KLF12: variants seen among roughly 807,000 people sequenced by gnomAD.
The protein encoded by KLF12 is Krueppel-like factor 12.
In KLF12, 9 loss-of-function variants were observed where a neutral mutation model predicts 37.8. The ratio of observed to expected loss-of-function variants is 0.24; its 90% CI spans 0.14 to 0.42. The LOEUF (loss-of-function observed/expected upper bound fraction) is 0.42. Ranked by LOEUF, KLF12 falls within the 10% of genes least tolerant of loss-of-function variation. The pLI is 1.00. For missense variants in KLF12, 411 were observed against 516.0 expected (o/e 0.80, Z 1.97); for synonymous variants, 208 against 202.1 (o/e 1.03, Z -0.25).
At chr13:74,238,776 C>G in the KLF12 span, among the ~76,000 whole-genome samples, 236 of 152,146 alleles carry the variant, frequency 1.6e-3, 2 homozygotes, top group African/African-American at 5.6e-3. Context: ...TCTGTGGGAT[C>G]AGTGGTGATA....
At chr13:74,263,179 C>G in the KLF12 span, among the ~76,000 whole-genome samples, 1 of 152,148 alleles carries the variant, frequency 6.6e-6, no homozygotes, top group African/African-American at 2.4e-5. Context: ...CTTCTCATGT[C>G]TAACTCTTAT....
chr13:73,717,137 A>G (rs1427592791), intron 6 of KLF12, among the ~76,000 whole-genome samples: 1 of 152,216 alleles, frequency 6.6e-6, no homozygotes, highest in East Asian at 1.9e-4. Context: ...ATATATAAAC[A>G]AATGAATGTC....
intron 1 of KLF12, among the ~76,000 whole-genome samples, chr13:74,085,645 C>T (rs1875236078): frequency 6.6e-6 from 1 of 152,152 alleles, no homozygotes; most frequent in African/African-American, 2.4e-5. Flanking sequence ...AATACTGGTC[C>T]TGAACTGTGA....
the KLF12 span, among the ~76,000 whole-genome samples, chr13:74,193,096 A>G: frequency 1.3e-5 from 2 of 149,994 alleles, no homozygotes; most frequent in Non-Finnish European, 2.9e-5. Flanking sequence ...CTCCTGCCTC[A>G]GCCTCCCGAG....
chr13:74,101,995 G>A (rs150873540), intron 1 of KLF12, among the ~76,000 whole-genome samples: 5 of 151,900 alleles, frequency 3.3e-5, no homozygotes, highest in South Asian at 2.1e-4. Context: ...CGAGACGGGC[G>A]GATCACAAGG....
intron 5 of KLF12, chr13:73,801,954 G>A (rs1205292697): frequency 6.6e-6 from 1 of 151,922 alleles, no homozygotes; most frequent in Non-Finnish European, 1.5e-5. Flanking sequence ...TGACCAAGAG[G>A]TAATAAATTC....
intron 1 of KLF12, among the ~76,000 whole-genome samples, chr13:74,037,203 CAAAA>C (rs200460958): frequency 5.7e-5 from 4 of 69,776 alleles, no homozygotes; most frequent in South Asian, 5.4e-4. Flanking sequence ...ACTCCGTCTC[CAAAA>C]AAAAAAAAAA....
At chr13:73,929,478 CAT>C (rs1311724463) in intron 3 of KLF12, among the ~76,000 whole-genome samples, 5 of 152,170 alleles carry the variant, frequency 3.3e-5, no homozygotes, top group African/African-American at 1.2e-4. Context: ...CATCGTATCG[CAT>C]AGTCATCAAA....
the KLF12 span, among the ~76,000 whole-genome samples, chr13:74,140,552 G>T: frequency 6.6e-5 from 10 of 152,200 alleles, no homozygotes; most frequent in African/African-American, 1.9e-4. Context: ...TTTTCCCTGT[G>T]TTCTTGCTAG....
At chr13:74,247,062 T>A in the KLF12 span, among the ~76,000 whole-genome samples, 1 of 152,344 alleles carries the variant, frequency 6.6e-6, no homozygotes, top group Admixed American at 6.5e-5. Context: ...ATTGTACTAA[T>A]AATGAATTTT....
chr13:74,084,941 G>GT (rs1355106367), intron 1 of KLF12, among the ~76,000 whole-genome samples: 6 of 151,968 alleles, frequency 3.9e-5, no homozygotes, highest in Admixed American at 6.6e-5. Flanking sequence ...GGTTTTGTTG[G>GT]TTTTTTTAAA....
the KLF12 span, among the ~76,000 whole-genome samples, chr13:74,230,745 G>GT: frequency 6.9e-3 from 1,044 of 152,254 alleles, 10 homozygotes; most frequent in African/African-American, 0.021. Flanking sequence ...ACTATCAAGT[G>GT]TTTATCTATT....
chr13:73,966,648 C>A (rs915574920), intron 2 of KLF12, among the ~76,000 whole-genome samples: 8 of 152,216 alleles, frequency 5.3e-5, no homozygotes, highest in Non-Finnish European at 1.2e-4. Context: ...CACTGACACA[C>A]AAAGTAGTCA....
chr13:74,284,376 G>A, the KLF12 span, among the ~76,000 whole-genome samples: 2 of 152,170 alleles, frequency 1.3e-5, no homozygotes, highest in Non-Finnish European at 2.9e-5. Flanking sequence ...GGACGTGAGA[G>A]TGTTATTCAG....
chr13:74,214,082 C>A, the KLF12 span, among the ~76,000 whole-genome samples: 1 of 152,094 alleles, frequency 6.6e-6, no homozygotes, highest in African/African-American at 2.4e-5. Context: ...CTATTTTGTG[C>A]AATTTTTGTT....
intron 2 of KLF12, among the ~76,000 whole-genome samples, chr13:73,977,033 C>T (rs954766966): frequency 6.7e-6 from 1 of 148,962 alleles, no homozygotes; most frequent in Non-Finnish European, 1.5e-5. Context: ...AGGATGTATA[C>T]AATAAGAAGA....
intron 3 of KLF12, among the ~76,000 whole-genome samples, chr13:73,858,392 T>C (rs1033587795): frequency 3.3e-5 from 5 of 152,192 alleles, no homozygotes; most frequent in Non-Finnish European, 5.9e-5. Flanking sequence ...GGAAAACAGC[T>C]AAATATAACT....
chr13:73,910,776 A>G (rs1362568631), intron 3 of KLF12, among the ~76,000 whole-genome samples: 1 of 152,172 alleles, frequency 6.6e-6, no homozygotes, highest in African/African-American at 2.4e-5. Context: ...ATGTGGCTGT[A>G]TTGAGAGGTA....
intron 3 of KLF12, among the ~76,000 whole-genome samples, chr13:73,868,006 C>G (rs1488739087): frequency 1.4e-5 from 2 of 144,238 alleles, no homozygotes; most frequent in Non-Finnish European, 1.5e-5. Flanking sequence ...GGGCAACAAA[C>G]AAGAGCGAAA....
Sources: gnomAD v4.1 joint callset for allele counts (sites outside exome capture counted in the v4.1 genomes callset) on GRCh38, gnomAD v4.1.1 for gene constraint, MANE v1.5 for transcripts, NCBI Gene and HGNC (gene_info 2026-07-23, HGNC 2026-07-21) for gene names.